Variants in DNAJC5 observed in about 807,000 individuals in gnomAD.
The protein encoded by DNAJC5 is DnaJ heat shock protein family (Hsp40) member C5.
DNAJC5 carries 1 observed loss-of-function variant against 23.2 expected under a neutral mutation model. The ratio of observed to expected loss-of-function variants is 0.04; its 90% CI spans 0.02 to 0.20. DNAJC5 has a LOEUF of 0.20. DNAJC5 is among the 10% of genes least tolerant of loss of function. The pLI is 1.00. For missense variants in DNAJC5, 180 were observed against 267.0 expected (o/e 0.67, Z 2.27); for synonymous variants, 136 against 120.0 (o/e 1.13, Z -0.87).
intron 1 of DNAJC5, among the ~76,000 whole-genome samples, chr20:63,911,729 G>A (rs1315305419): frequency 2.6e-5 from 4 of 151,616 alleles, no homozygotes; most frequent in African/African-American, 9.7e-5. Flanking sequence ...GCTGGAGTGC[G>A]GTGGCGCGAT....
chr20:63,923,453 A>AT (rs1568986011), intron 1 of DNAJC5, among the ~76,000 whole-genome samples: 3 of 150,172 alleles, frequency 2.0e-5, no homozygotes, highest in African/African-American at 7.4e-5. Context: ...AAAAAAAAAA[A>AT]TTAGGCTGGG....
chr20:63,895,525 C>CGCCGGGGCCTGCGGGA (rs1299593914), intron 1 of DNAJC5, among the ~76,000 whole-genome samples: 2 of 148,412 alleles, frequency 1.3e-5, no homozygotes, highest in African/African-American at 4.9e-5. Flanking sequence ...GGAAGGTCGG[C>CGCCGGGGCCTGCGGGA]GCCGGGGCCT....
Position 63,929,197 on chromosome 20 carries a change from T to G in DNAJC5, c.108-115T>G, listed in dbSNP as rs1600885316. 1.6e-6 allele frequency: 2 copies of G among 1,236,954 alleles called. No homozygotes were observed. The highest frequency in any genetic ancestry group is 1.3e-5 in the South Asian group (1 of 77,368). The allele number at this position is 1,236,954 out of a possible 1,614,324, so 76.6% of individuals were successfully genotyped here. A position where few individuals can be genotyped will look rare whatever the true frequency, so the allele number is the denominator to read the frequency against. On this transcript the variant is annotated intron_variant, in intron 2 of 4. Transcript: ENST00000360864. This position sits in a 1 kb window ranked among gnomAD's most constrained non-coding sequence, Gnocchi z 8.6. ...TGGAGAGTCGGACAGTGAGGTGGCCTGGGTGGACCTGCCTTCCACTGCACC... is the reference window on the plus strand; with the variant it reads ...TGGAGAGTCGGACAGTGAGGTGGCCGGGGTGGACCTGCCTTCCACTGCACC...
Position 63,932,898 on chromosome 20 carries a change from T to G in DNAJC5, c.*1330T>G, listed in dbSNP as rs1375066306. 1 of 152,264 alleles carries G rather than the reference T, an allele frequency of 6.6e-6. No homozygotes were observed. The highest frequency in any genetic ancestry group is 2.4e-5 in the African/African-American group (1 of 41,408). The allele number at this position is 152,264 out of a possible 1,614,324, so 9.4% of individuals were successfully genotyped here. On this transcript the variant is annotated 3_prime_UTR_variant, in exon 5 of 5. Coordinates refer to ENST00000360864, the MANE Select transcript of DNAJC5 (RefSeq NM_025219.3). The surrounding 1 kb of genome is among the most constrained non-coding windows in gnomAD (Gnocchi z 4.4). ...GAATCCACATGTGGACCATGGGAAGTCAGTCTCTTGCGTGTCCTAGACCTT... is the reference window on the plus strand; with the variant it reads ...GAATCCACATGTGGACCATGGGAAGGCAGTCTCTTGCGTGTCCTAGACCTT...
chr20:63,932,049 T>C lies in DNAJC5; in HGVS notation c.*481T>C. On this transcript the variant is annotated 3_prime_UTR_variant, in exon 5 of 5. Transcript: ENST00000360864. This position sits in a 1 kb window ranked among gnomAD's most constrained non-coding sequence, Gnocchi z 4.4. ...TCGGGGTCTGGTCCACACTCTGTGC[T>C]CCCAGCCTTGAGGCTGCAGTAGGAC... 3.9e-6 allele frequency: 1 copy of C among 256,380 alleles called. No individual in the cohort carries two copies. Among genetic ancestry groups the C allele is most frequent in the Non-Finnish European group, 7.8e-6 (1 of 127,758 alleles). 15.9% of individuals were successfully genotyped at this position (256,380 alleles called of 1,614,324 possible).
intron 1 of DNAJC5, among the ~76,000 whole-genome samples, chr20:63,926,043 T>C (rs950185898): frequency 2.6e-5 from 4 of 152,130 alleles, no homozygotes; most frequent in Admixed American, 2.0e-4. Flanking sequence ...TTAGCCAGGA[T>C]GGTCTCAATC....
intron 1 of DNAJC5, among the ~76,000 whole-genome samples, chr20:63,911,321 G>A (rs553887165): frequency 1.8e-4 from 27 of 152,190 alleles, no homozygotes; most frequent in Non-Finnish European, 2.9e-4. Context: ...CCTTCCTCAG[G>A]TGTGGCCGCT....
chr20:63,931,447 T>C lies in DNAJC5; in HGVS notation c.494-18T>C, dbSNP rs755327268. The C allele has an allele frequency of 2.6e-5, 40 of 1,542,216 alleles. No individual in the cohort carries two copies. The Admixed American group carries it at 2.7e-4, about 10-fold the overall frequency. On this transcript the variant is annotated intron_variant, in intron 4 of 4. Transcript: ENST00000360864. This position sits in a 1 kb window ranked among gnomAD's most constrained non-coding sequence, Gnocchi z 9.6. ...AGGCTGTGGCCCTCGTGCAGTGCCC[T>C]GTGTGCTTGCTTTTCAGAGGCCACA... is the stretch of plus-strand genomic sequence containing the variant.
rs370198236 is a variant in DNAJC5 at position 63,929,757 on chromosome 20, T to A, written c.321+232T>A. 7.0e-6 allele frequency among the ~76,000 whole-genome samples: 1 copy of A among 143,668 alleles called. No homozygotes were observed. Among genetic ancestry groups the A allele is most frequent in the Non-Finnish European group, 1.5e-5 (1 of 65,326 alleles). The allele number at this position is 143,668 out of a possible 152,430, so 94.3% of individuals were successfully genotyped here. On this transcript the variant is annotated intron_variant, in intron 3 of 4. Transcript: ENST00000360864. The surrounding 1 kb of genome is among the most constrained non-coding windows in gnomAD (Gnocchi z 8.6). ...GGGCACCCGAGTCTCTCCTGCCATGTGGGCACCCGGGTCACTCCACGCCTG... is the reference window on the plus strand; with the variant it reads ...GGGCACCCGAGTCTCTCCTGCCATGAGGGCACCCGGGTCACTCCACGCCTG...
intron 1 of DNAJC5, among the ~76,000 whole-genome samples, chr20:63,924,781 G>A (rs965332506): frequency 6.6e-6 from 1 of 152,250 alleles, no homozygotes; most frequent in Non-Finnish European, 1.5e-5. Context: ...GGAGGTTGCA[G>A]TGAGTTGATG....
rs1018873435 is a variant in DNAJC5 at position 63,934,808 on chromosome 20, C to G, written c.*3240C>G. On this transcript the variant is annotated 3_prime_UTR_variant, in exon 5 of 5. Coordinates refer to ENST00000360864, the MANE Select transcript of DNAJC5 (RefSeq NM_025219.3). Reference sequence around the variant, plus strand: ...CGGCTGCTGCCATCCAGAAGAGGCCCTGGAGCCTCACGCCGTCGAGGCTGC... The same window carrying G: ...CGGCTGCTGCCATCCAGAAGAGGCCGTGGAGCCTCACGCCGTCGAGGCTGC... The G allele has an allele frequency of 6.6e-5, 10 of 152,258 alleles. No individual in the cohort carries two copies. Among genetic ancestry groups the G allele is most frequent in the Admixed American group, 6.5e-4 (10 of 15,288 alleles). The allele number at this position is 152,258 out of a possible 1,614,324, so 9.4% of individuals were successfully genotyped here.
At chr20:63,906,403 T>C (rs2053448510) in intron 1 of DNAJC5, among the ~76,000 whole-genome samples, 1 of 152,074 alleles carries the variant, frequency 6.6e-6, no homozygotes, top group Admixed American at 6.5e-5. Context: ...GGCAGGACAA[T>C]TGCTTAAACC....
intron 1 of DNAJC5, among the ~76,000 whole-genome samples, chr20:63,904,591 G>A (rs2146274226): frequency 6.6e-6 from 1 of 152,262 alleles, no homozygotes; most frequent in East Asian, 1.9e-4. Flanking sequence ...AGGTGTTCAT[G>A]GTATAGGCAT....
chr20:63,915,724 G>A lies in DNAJC5; in HGVS notation c.-11-12611G>A, dbSNP rs6062582. 5.8e-3 allele frequency among the ~76,000 whole-genome samples: 887 copies of A among 152,242 alleles called. 8 individuals are homozygous for A. The highest frequency in any genetic ancestry group is 0.019 in the African/African-American group (785 of 41,552). On this transcript the variant is annotated intron_variant, in intron 1 of 4. Transcript: ENST00000360864. Reference sequence around the variant, plus strand: ...GTCCTCAGAGAGCAGTTGGCACACCGCCTCAGGCTGAGCCTGCCCATTCTT... The same window carrying A: ...GTCCTCAGAGAGCAGTTGGCACACCACCTCAGGCTGAGCCTGCCCATTCTT...
chr20:63,924,092 A>G (rs2053592273), intron 1 of DNAJC5, among the ~76,000 whole-genome samples: 1 of 152,180 alleles, frequency 6.6e-6, no homozygotes, highest in Non-Finnish European at 1.5e-5. Context: ...GATATATAGT[A>G]TATGTCTTGA....
chr20:63,901,073 T>C (rs911367539), intron 1 of DNAJC5, among the ~76,000 whole-genome samples: 2 of 152,230 alleles, frequency 1.3e-5, no homozygotes, highest in African/African-American at 4.8e-5. Context: ...CAAGTGATTC[T>C]TCTGCCTCAG....
chr20:63,925,737 A>G (rs571352397), intron 1 of DNAJC5, among the ~76,000 whole-genome samples: 2 of 136,338 alleles, frequency 1.5e-5, no homozygotes, highest in Admixed American at 1.4e-4. Context: ...AGCCTGGGCA[A>G]CAAAGCGAGA....
At chr20:63,913,858 C>T (rs1456126144) in intron 1 of DNAJC5, among the ~76,000 whole-genome samples, 1 of 152,232 alleles carries the variant, frequency 6.6e-6, no homozygotes, top group African/African-American at 2.4e-5. Flanking sequence ...GGATTGCAGG[C>T]GTGAGCCACC....
At chr20:63,915,367 G>A (rs190202566) in intron 1 of DNAJC5, among the ~76,000 whole-genome samples, 150 of 151,846 alleles carry the variant, frequency 9.9e-4, no homozygotes, top group Non-Finnish European at 1.6e-3. Context: ...GAACACTGGG[G>A]CATTTAAACG....
Sources: allele counts gnomAD v4.1 joint callset (sites outside exome capture counted in the v4.1 genomes callset), GRCh38; gene constraint gnomAD v4.1.1; non-coding constraint Gnocchi (gnomAD v3.1); transcripts MANE v1.5; gene names NCBI Gene and HGNC (gene_info 2026-07-23, HGNC 2026-07-21).